The following SYNPR variants were observed in gnomAD, a reference collection of about 807,000 sequenced individuals.
The protein encoded by SYNPR is synaptoporin.
A neutral mutation model predicts 32.9 loss-of-function variants in SYNPR; 23 were observed. The ratio of observed to expected loss-of-function variants is 0.70; its 90% CI spans 0.50 to 0.99. The LOEUF is 0.99. SYNPR is among the 50% of genes least tolerant of loss of function. The pLI is 0.00. For missense variants in SYNPR, 318 were observed against 349.3 expected (o/e 0.91, Z 0.71); for synonymous variants, 146 against 135.9 (o/e 1.07, Z -0.52).
intron 2 of SYNPR, among the ~76,000 whole-genome samples, chr3:63,377,547 T>C (rs903783446): frequency 2.0e-5 from 3 of 152,040 alleles, no homozygotes; most frequent in African/African-American, 7.2e-5. Context: ...GATCTTTCTT[T>C]CAGTATGCTA....
At chr3:63,574,233 T>C (rs1575718646) in intron 4 of SYNPR, among the ~76,000 whole-genome samples, 1 of 152,196 alleles carries the variant, frequency 6.6e-6, no homozygotes, top group East Asian at 1.9e-4. Flanking sequence ...CAGAGTGAAA[T>C]TTATTTCCCA....
rs79602979 is a variant in SYNPR, at chr3:63,379,541, T to G, written c.84+100799T>G. ...ACACATTTAGAACTGCTATGTCTTCTTGGATTAAACTCTTTGGCCTTACAT... is the reference window on the plus strand; with the variant it reads ...ACACATTTAGAACTGCTATGTCTTCGTGGATTAAACTCTTTGGCCTTACAT... On this transcript the variant is annotated intron_variant, in intron 2 of 5. Coordinates refer to ENST00000478300, the MANE Select transcript of SYNPR (RefSeq NM_001130003.2). Among the ~76,000 whole-genome samples, 135 of 152,304 alleles carry G rather than the reference T, an allele frequency of 8.9e-4. 1 individual carries two copies. In the East Asian group the frequency reaches 0.025, roughly 28 times the overall value.
chr3:63,447,744 A>ATT (rs34520499), intron 2 of SYNPR, among the ~76,000 whole-genome samples: 3 of 146,862 alleles, frequency 2.0e-5, no homozygotes, highest in African/African-American at 7.5e-5. Context: ...TTTTACTGTG[A>ATT]TTTTTTTTTT....
Position 63,586,527 on chromosome 3 carries a change from C to CTTTATTATGAG in SYNPR, c.409-22594_409-22584dup, listed in dbSNP as rs1462183038. Reference sequence around the variant, plus strand: ...TCCCTATCCCCAGCCATTGAATTATCTTTATTATGAGTTTCTTGTATCCTT... The same window carrying CTTTATTATGAG: ...TCCCTATCCCCAGCCATTGAATTATCTTTATTATGAGTTTATTATGAGTTTCTTGTATCCTT... On this transcript the variant is annotated intron_variant, in intron 4 of 5. Coordinates refer to ENST00000478300, the MANE Select transcript of SYNPR (RefSeq NM_001130003.2). Among the ~76,000 whole-genome samples, 6 of 151,798 alleles carry CTTTATTATGAG rather than the reference C, an allele frequency of 4.0e-5. No individual in the cohort carries two copies. The East Asian group carries it at 1.2e-3, about 29-fold the overall frequency.
At chr3:63,299,241 G>A (rs1322530898) in intron 2 of SYNPR, among the ~76,000 whole-genome samples, 1 of 152,070 alleles carries the variant, frequency 6.6e-6, no homozygotes, top group Non-Finnish European at 1.5e-5. Context: ...ATAGGGAGAG[G>A]GAGAGAAGAT....
chr3:63,595,741 A>ATG (rs1699929578), intron 4 of SYNPR, among the ~76,000 whole-genome samples: 1 of 46,028 alleles, frequency 2.2e-5, no homozygotes, highest in Non-Finnish European at 3.2e-5. Flanking sequence ...ATATATATAT[A>ATG]TATATATATA....
At chr3:63,494,506 C>CAT (rs765948677) in intron 3 of SYNPR, among the ~76,000 whole-genome samples, 4,065 of 94,084 alleles carry the variant, frequency 0.043, 405 homozygotes, top group African/African-American at 0.078. Flanking sequence ...TACATATATA[C>CAT]ATATATACAT....
intron 2 of SYNPR, among the ~76,000 whole-genome samples, chr3:63,257,874 A>T (rs1560170631): frequency 6.6e-6 from 1 of 152,204 alleles, no homozygotes; most frequent in Non-Finnish European, 1.5e-5. Flanking sequence ...ATGGAGGAAG[A>T]TCTACCAAGC....
At chr3:63,538,884 T>C (rs138395406) in intron 3 of SYNPR, among the ~76,000 whole-genome samples, 1,681 of 152,298 alleles carry the variant, frequency 0.011, 16 homozygotes, top group Middle Eastern at 0.037. Flanking sequence ...ACATTATTAA[T>C]ATATCTTTCT....
At chr3:63,525,345 A>C (rs896078632) in intron 3 of SYNPR, among the ~76,000 whole-genome samples, 1 of 152,154 alleles carries the variant, frequency 6.6e-6, no homozygotes, top group Admixed American at 6.5e-5. Flanking sequence ...AGATACCCAG[A>C]ACTTACTTGG....
intron 3 of SYNPR, among the ~76,000 whole-genome samples, chr3:63,525,088 T>TA (rs1466383726): frequency 6.6e-6 from 1 of 151,902 alleles, no homozygotes; most frequent in East Asian, 1.9e-4. Context: ...GCGACAAAAG[T>TA]AAAAAAGGCC....
chr3:63,525,079 C>T (rs1029975168), intron 3 of SYNPR, among the ~76,000 whole-genome samples: 4 of 151,856 alleles, frequency 2.6e-5, no homozygotes, highest in Admixed American at 1.3e-4. Context: ...TGATGGAGAG[C>T]GACAAAAGTA....
intron 2 of SYNPR, among the ~76,000 whole-genome samples, chr3:63,279,297 G>C (rs1278415833): frequency 6.6e-6 from 1 of 152,174 alleles, no homozygotes. Context: ...TGTTATAAAC[G>C]GCGGCGGGTA....
chr3:63,227,040 A>G (rs964797593), upstream of SYNPR, among the ~76,000 whole-genome samples: 4 of 152,234 alleles, frequency 2.6e-5, no homozygotes, highest in African/African-American at 7.2e-5. Flanking sequence ...AAATGTATTT[A>G]AAAAAGCAGG....
rs1701079134 is a variant in SYNPR at position 63,483,146 on chromosome 3, C to T, written c.209+2190C>T. ...CTTCAAAAATGTTCATATAAATACA[C>T]AAATATATGCATGTAATGCATGTAA... is the stretch of plus-strand genomic sequence containing the variant. On this transcript the variant is annotated intron_variant, in intron 3 of 5. Transcript: ENST00000478300. Among the ~76,000 whole-genome samples the T allele has an allele frequency of 2.0e-5, 3 of 152,112 alleles. No individual in the cohort carries two copies. In the South Asian group the frequency reaches 6.2e-4, roughly 32 times the overall value.
chr3:63,330,684 T>C (rs890369910), intron 2 of SYNPR, among the ~76,000 whole-genome samples: 1 of 152,156 alleles, frequency 6.6e-6, no homozygotes, highest in Non-Finnish European at 1.5e-5. Flanking sequence ...TTAATTCCTT[T>C]AATCTATGTA....
chr3:63,545,941 T>G (rs1446181826), intron 3 of SYNPR, among the ~76,000 whole-genome samples: 2 of 152,120 alleles, frequency 1.3e-5, no homozygotes, highest in African/African-American at 4.8e-5. Context: ...CCTGATACAT[T>G]TCTATACTAA....
chr3:63,503,995 T>C (rs928394737), intron 3 of SYNPR, among the ~76,000 whole-genome samples: 1 of 152,150 alleles, frequency 6.6e-6, no homozygotes, highest in African/African-American at 2.4e-5. Context: ...CCATATTAAT[T>C]TGTGAATCTA....
At chr3:63,591,627 TA>T (rs1314128743) in intron 4 of SYNPR, among the ~76,000 whole-genome samples, 60 of 138,200 alleles carry the variant, frequency 4.3e-4, no homozygotes, top group African/African-American at 1.6e-3. Context: ...TATGCAGCCC[TA>T]AAAAATGATG....
Sources: allele counts gnomAD v4.1 joint callset (sites outside exome capture counted in the v4.1 genomes callset), GRCh38; gene constraint gnomAD v4.1.1; transcripts MANE v1.5; gene names NCBI Gene and HGNC (gene_info 2026-07-23, HGNC 2026-07-21).